The following DNAI4 variants were observed in gnomAD, a reference collection of about 807,000 sequenced individuals.
DNAI4 encodes the protein WD repeat domain 78.
DNAI4 carries 85 observed loss-of-function variants against 105.8 expected under a neutral mutation model. The observed-to-expected ratio is 0.80, with a 90% confidence interval of 0.67 to 0.96. The LOEUF (loss-of-function observed/expected upper bound fraction) is 0.96. Ranked by LOEUF, DNAI4 falls within the 40% of genes least tolerant of loss-of-function variation. The pLI is 0.00. For missense variants in DNAI4, 1,014 were observed against 1,005.6 expected (o/e 1.01, Z -0.11); for synonymous variants, 352 against 331.5 (o/e 1.06, Z -0.67).
In DNAI4 at chr1:66,894,042, G is replaced by C. The variant is rs569005723; in HGVS notation, c.346-629C>G. Among the ~76,000 whole-genome samples the C allele has an allele frequency of 2.2e-4, 34 of 152,154 alleles. No homozygotes were observed. In the Middle Eastern group the frequency reaches 0.017, roughly 76 times the overall value. ...CTATTATGCACAGTACATAATATTT[G>C]ATAATAATAATAAATTATGCTTCTG... On this transcript the variant is annotated intron_variant, in intron 2 of 16. Transcript: ENST00000371026.
In DNAI4 at chr1:66,913,080, C is replaced by T. The variant is rs952835516; in HGVS notation, c.171-7705G>A. ...TTATGGAGTTTGAGCTTGCTTCCAA[C>T]AGGGAAAATGAGGGTTTTTTGGTTT... is the stretch of plus-strand genomic sequence containing the variant. On this transcript the variant is annotated intron_variant, in intron 1 of 16. Coordinates refer to ENST00000371026, the MANE Select transcript of DNAI4 (RefSeq NM_024763.5). Among the ~76,000 whole-genome samples, 13 of 152,266 alleles carry T rather than the reference C, an allele frequency of 8.5e-5. No individual in the cohort carries two copies. In the East Asian group the frequency reaches 1.9e-3, roughly 23 times the overall value.
Position 66,813,318 on chromosome 1 carries a change from T to C in DNAI4, c.*812A>G, listed in dbSNP as rs1288932179. The C allele has an allele frequency of 6.6e-6, 1 of 152,366 alleles. No individual in the cohort carries two copies. The highest frequency in any genetic ancestry group is 2.4e-5 in the African/African-American group (1 of 41,462). The allele number at this position is 152,366 out of a possible 1,614,324, so 9.4% of individuals were successfully genotyped here. A position where few individuals can be genotyped will look rare whatever the true frequency, so the allele number is the denominator to read the frequency against. On this transcript the variant is annotated 3_prime_UTR_variant, in exon 17 of 17. Coordinates refer to ENST00000371026, the MANE Select transcript of DNAI4 (RefSeq NM_024763.5). ...GAATGGCCTGTTAGCAATGAATATTTGGAGGAGTCACTGCTCCCCATCTCC... is the reference window on the plus strand; with the variant it reads ...GAATGGCCTGTTAGCAATGAATATTCGGAGGAGTCACTGCTCCCCATCTCC...
At position 66,816,339 on chromosome 1, in the gene DNAI4, T is replaced by C. The variant is rs1398464576; in HGVS notation, c.2497-2159A>G. Reference sequence around the variant, plus strand: ...TCATAAATTTGGTGCACATCTTTCATATAGAATGAAATCATAAGGCTTCCA... The same window carrying C: ...TCATAAATTTGGTGCACATCTTTCACATAGAATGAAATCATAAGGCTTCCA... On this transcript the variant is annotated intron_variant, in intron 16 of 16. Transcript: ENST00000371026. 4.6e-5 allele frequency among the ~76,000 whole-genome samples: 7 copies of C among 152,220 alleles called. No individual in the cohort carries two copies. The East Asian group carries it at 1.2e-3, about 25-fold the overall frequency.
intron 11 of DNAI4, among the ~76,000 whole-genome samples, chr1:66,834,921 G>T (rs915146075): frequency 2.6e-4 from 39 of 152,110 alleles, no homozygotes; most frequent in African/African-American, 8.7e-4. Context: ...AGGAACCTCT[G>T]CTTTAATGGT....
At chr1:66,849,589 T>C (rs2100540194) in intron 7 of DNAI4, among the ~76,000 whole-genome samples, 1 of 152,274 alleles carries the variant, frequency 6.6e-6, no homozygotes, top group South Asian at 2.1e-4. Flanking sequence ...AATGTTAGAA[T>C]TATCTGACAA....
intron 6 of DNAI4, 151 bp downstream of exon 6, chr1:66,871,219 G>T: frequency 1.9e-6 from 1 of 539,390 alleles, no homozygotes; most frequent in Non-Finnish European, 3.1e-6. Flanking sequence ...AATTCTGAAA[G>T]CTATAGAACA....
intron 6 of DNAI4, among the ~76,000 whole-genome samples, chr1:66,867,354 T>C (rs1289554995): frequency 6.6e-6 from 1 of 152,044 alleles, no homozygotes; most frequent in East Asian, 1.9e-4. Flanking sequence ...GTCTGAGAGG[T>C]TTTACTGAAT....
rs1268839658 is a variant in DNAI4, at chr1:66,849,620, T to C, written c.1097-1942A>G. ...GACAAAGAGTTTAAAGCAAACATCA[T>C]AAAAATCATTCAACAAGTATTTATG... is the stretch of plus-strand genomic sequence containing the variant. On this transcript the variant is annotated intron_variant, in intron 7 of 16. Transcript: ENST00000371026. 2.0e-5 allele frequency among the ~76,000 whole-genome samples: 3 copies of C among 152,000 alleles called. No individual in the cohort carries two copies. The East Asian group carries it at 5.8e-4, about 29-fold the overall frequency.
At chr1:66,869,117 A>C (rs930137450) in intron 6 of DNAI4, among the ~76,000 whole-genome samples, 1 of 128,456 alleles carries the variant, frequency 7.8e-6, no homozygotes. Flanking sequence ...CTAGATATGA[A>C]TATATATATA....
At chr1:66,893,502 GAAAAAAGATT>G in intron 2 of DNAI4, 89 bp from the exon 3 acceptor site, 1 of 944,106 alleles carries the variant, frequency 1.1e-6, no homozygotes. Context: ...AAATATGGTA[GAAAAAAGATT>G]AGTATAATGC....
rs111878256 is a variant in DNAI4 at position 66,905,397 on chromosome 1, T to C, written c.171-22A>G. 1.4e-5 allele frequency: 19 copies of C among 1,392,872 alleles called. No individual in the cohort carries two copies. In the African/African-American group the frequency reaches 1.7e-4, roughly 13 times the overall value. The allele number at this position is 1,392,872 out of a possible 1,614,324, so 86.3% of individuals were successfully genotyped here. A position where few individuals can be genotyped will look rare whatever the true frequency, so the allele number is the denominator to read the frequency against. On this transcript the variant is annotated intron_variant, in intron 1 of 16. Coordinates refer to ENST00000371026, the MANE Select transcript of DNAI4 (RefSeq NM_024763.5). Reference sequence around the variant, plus strand: ...GTTCCTATATAAGAAAAATAAAATATAATGCAAAGGATTCAAGATTGAAAA... The same window carrying C: ...GTTCCTATATAAGAAAAATAAAATACAATGCAAAGGATTCAAGATTGAAAA...
intron 5 of DNAI4, among the ~76,000 whole-genome samples, chr1:66,873,168 C>T (rs192540646): frequency 6.6e-6 from 1 of 151,740 alleles, no homozygotes; most frequent in East Asian, 1.9e-4. Context: ...CCTTCTCCTT[C>T]TCCCTTTCCT....
intron 4 of DNAI4, among the ~76,000 whole-genome samples, chr1:66,880,909 C>T (rs989340336): frequency 5.9e-5 from 9 of 152,072 alleles, no homozygotes; most frequent in Admixed American, 2.6e-4. Flanking sequence ...CCCAGGGTCC[C>T]GGTGTTGTGT....
At chr1:66,839,558 T>C (rs1646103212) in intron 9 of DNAI4, among the ~76,000 whole-genome samples, 1 of 152,196 alleles carries the variant, frequency 6.6e-6, no homozygotes, top group Non-Finnish European at 1.5e-5. Flanking sequence ...AAATTGGTTT[T>C]GACTGCTTCA....
At chr1:66,822,856 T>C (rs1186802525) in intron 15 of DNAI4, among the ~76,000 whole-genome samples, 1 of 151,976 alleles carries the variant, frequency 6.6e-6, no homozygotes, top group Admixed American at 6.5e-5. Flanking sequence ...AAGATATTTT[T>C]TTCAAATACA....
intron 2 of DNAI4, among the ~76,000 whole-genome samples, chr1:66,901,374 A>AT (rs1305347992): frequency 9.2e-5 from 14 of 152,158 alleles, no homozygotes; most frequent in Non-Finnish European, 1.2e-4. Context: ...GCTGTATCCC[A>AT]TAAGCTTTGG....
At chr1:66,849,444 T>C (rs573255463) in intron 7 of DNAI4, among the ~76,000 whole-genome samples, 89 of 152,296 alleles carry the variant, frequency 5.8e-4, no homozygotes, top group African/African-American at 2.1e-3. Context: ...CAAAGCCTGC[T>C]AAAATGGAAG....
intron 7 of DNAI4, among the ~76,000 whole-genome samples, chr1:66,859,681 G>A (rs1270727041): frequency 6.6e-6 from 1 of 152,122 alleles, no homozygotes; most frequent in Non-Finnish European, 1.5e-5. Flanking sequence ...ATATCGTTTA[G>A]TAAAAGGAGC....
chr1:66,889,518 T>C (rs1647416359), intron 4 of DNAI4, among the ~76,000 whole-genome samples: 1 of 152,164 alleles, frequency 6.6e-6, no homozygotes, highest in African/African-American at 2.4e-5. Flanking sequence ...GTGAGAAAAG[T>C]AAATATTTGT....
Sources: allele counts gnomAD v4.1 joint callset (sites outside exome capture counted in the v4.1 genomes callset), GRCh38; gene constraint gnomAD v4.1.1; transcripts MANE v1.5; gene names NCBI Gene and HGNC (gene_info 2026-07-23, HGNC 2026-07-21).